Variants in UGT2A3 observed in about 807,000 individuals in gnomAD.
UGT2A3 encodes UDP-glucuronosyltransferase 2A3.
Under a neutral mutation model 44.1 loss-of-function variants are expected in UGT2A3, and 55 were observed. The ratio of observed to expected loss-of-function variants is 1.25; its 90% CI spans 1.00 to 1.56. The LOEUF (loss-of-function observed/expected upper bound fraction) is 1.56. Ranked by LOEUF, UGT2A3 falls within the 40% of genes most tolerant of loss-of-function variation. UGT2A3 has a pLI of 0.00. For missense variants in UGT2A3, 733 were observed against 621.6 expected (o/e 1.18, Z -1.91); for synonymous variants, 243 against 215.1 (o/e 1.13, Z -1.13).
At chr4:68,938,753 A>C (rs1408237346) in intron 2 of UGT2A3, among the ~76,000 whole-genome samples, 1 of 152,176 alleles carries the variant, frequency 6.6e-6, no homozygotes, top group African/African-American at 2.4e-5. Context: ...GAAAAGAGTA[A>C]GTCAAATTGT....
chr4:68,939,401 T>A (rs1331593063), intron 2 of UGT2A3, among the ~76,000 whole-genome samples: 1 of 152,120 alleles, frequency 6.6e-6, no homozygotes, highest in Non-Finnish European at 1.5e-5. Context: ...ACTACACATC[T>A]CTAACCATGT....
In UGT2A3 at chr4:68,930,674, G is replaced by A. The variant is rs781308143; in HGVS notation, c.1176C>T (p.Pro392=). The A allele has an allele frequency of 1.9e-6, 3 of 1,613,318 alleles. No individual in the cohort carries two copies. Among genetic ancestry groups the A allele is most frequent in the Middle Eastern group, 1.7e-4 (1 of 6,054 alleles). The change falls in exon 5 of 6, where the codon CCC becomes CCT. Residue 392 remains proline (P), a synonymous_variant. Coordinates refer to ENST00000251566, the MANE Select transcript of UGT2A3 (RefSeq NM_024743.4). ...IYHGVPMVGV[P]IFGDQLDNIA... is the part of the protein sequence containing the mutation. ...TGTTATCAAGCTGATCACCAAATAT[G>A]GGAACTCCCACCATAGGGACCCCAT...
chr4:68,933,186 A>G (rs148127651), intron 2 of UGT2A3, among the ~76,000 whole-genome samples: 89 of 152,210 alleles, frequency 5.8e-4, no homozygotes, highest in Non-Finnish European at 1.1e-3. Flanking sequence ...GAATATAAAA[A>G]TACCACTCTG....
chr4:68,933,757 A>T (rs1359432733), intron 2 of UGT2A3, among the ~76,000 whole-genome samples: 2 of 151,998 alleles, frequency 1.3e-5, no homozygotes, highest in Non-Finnish European at 2.9e-5. Context: ...TCAACTCAGA[A>T]ATTACTACAG....
At position 68,951,332 on chromosome 4, in the gene UGT2A3, G is replaced by A. The variant is rs148833569; in HGVS notation, c.429C>T (p.Tyr143=). The change falls in exon 1 of 6, where the codon TAC becomes TAT. Residue 143 remains tyrosine (Y), a synonymous_variant. Coordinates refer to ENST00000251566, the MANE Select transcript of UGT2A3 (RefSeq NM_024743.4). The part of the protein sequence containing the change: ...TLMKKLQETN[Y]DVMLIDPVIP... ...TCACAGGGTCTATAAGCATTACATC[G>A]TAGTTGGTTTCCTGTAGCTTCTTCA... 1.0e-4 allele frequency: 167 copies of A among 1,612,448 alleles called. No individual in the cohort carries two copies. The African/African-American group carries it at 1.1e-3, about 11-fold the overall frequency.
chr4:68,937,259 T>C (rs1717988083), intron 2 of UGT2A3, among the ~76,000 whole-genome samples: 1 of 152,114 alleles, frequency 6.6e-6, no homozygotes, highest in Admixed American at 6.6e-5. Context: ...CAACAGCATA[T>C]ACATTCTTCT....
At chr4:68,950,081 C>T (rs1374075501) in intron 1 of UGT2A3, among the ~76,000 whole-genome samples, 2 of 151,818 alleles carry the variant, frequency 1.3e-5, no homozygotes, top group African/African-American at 2.4e-5. Context: ...CTCTATATAG[C>T]TGTACCCCTT....
chr4:68,944,498 G>A (rs1718310069), intron 2 of UGT2A3, among the ~76,000 whole-genome samples: 1 of 151,654 alleles, frequency 6.6e-6, no homozygotes, highest in African/African-American at 2.4e-5. Flanking sequence ...TCTCAATATT[G>A]TTTCTTTCAA....
intron 4 of UGT2A3, among the ~76,000 whole-genome samples, 191 bp from the exon 5 acceptor site, chr4:68,930,956 G>A (rs1357748790): frequency 1.3e-5 from 2 of 152,022 alleles, no homozygotes; most frequent in Non-Finnish European, 2.9e-5. Flanking sequence ...AATTCCTTCT[G>A]AATTTCCTGT....
In UGT2A3 at chr4:68,951,576, G is replaced by A. The variant is rs773568983; in HGVS notation, c.185C>T (p.Ser62Leu). 34 of 1,612,926 alleles carry A rather than the reference G, an allele frequency of 2.1e-5. No homozygotes were observed. Among genetic ancestry groups the A allele is most frequent in the Middle Eastern group, 1.7e-4 (1 of 6,054 alleles). Reference protein sequence around the residue: ...EVTVLTHSKPSLIDYRKPSAL... With the variant: ...EVTVLTHSKPLLIDYRKPSAL... Reference sequence around the variant, plus strand: ...AGAAGGCTTCCTGTAGTCAATTAACGAAGGCTTTGAGTGAGTCAATACTGT... The same window carrying A: ...AGAAGGCTTCCTGTAGTCAATTAACAAAGGCTTTGAGTGAGTCAATACTGT... Residue 62 changes from serine (S) to leucine (L), a missense_variant, in exon 1 of 6, where the codon TCG (serine) becomes TTG (leucine). Coordinates refer to ENST00000251566, the MANE Select transcript of UGT2A3 (RefSeq NM_024743.4).
chr4:68,944,474 TACTC>T (rs1404105398), intron 2 of UGT2A3, among the ~76,000 whole-genome samples: 2 of 151,822 alleles, frequency 1.3e-5, no homozygotes, highest in African/African-American at 4.8e-5. Flanking sequence ...TAACAACTAT[TACTC>T]ACTTTTACTT....
chr4:68,941,579 A>G (rs921227527), intron 2 of UGT2A3, among the ~76,000 whole-genome samples: 4 of 151,936 alleles, frequency 2.6e-5, no homozygotes, highest in African/African-American at 9.7e-5. Context: ...TGGTCTAGGC[A>G]AGGATTTTTT....
chr4:68,930,068 T>C lies in UGT2A3; in HGVS notation c.1329A>G (p.Leu443=), dbSNP rs767787686. 6.2e-7 allele frequency: 1 copy of C among 1,612,554 alleles called. No individual in the cohort carries two copies. The highest frequency in any genetic ancestry group is 1.3e-5 in the African/African-American group (1 of 74,976). The change falls in exon 6 of 6, where the codon TTA becomes TTG. Residue 443 remains leucine, a synonymous_variant. Coordinates refer to ENST00000251566, the MANE Select transcript of UGT2A3 (RefSeq NM_024743.4). ...CAGGTTGATCATGGTGAATTCTTGA[T>C]AATCTCATAGCATTCTCTTTATAAC... is the stretch of plus-strand genomic sequence containing the variant. The part of the protein sequence containing the change: ...DSSYKENAMR[L]SRIHHDQPVK...
intron 1 of UGT2A3, among the ~76,000 whole-genome samples, chr4:68,945,656 AAAGAAAGGAGGGAAGG>A (rs1404214467): frequency 6.6e-6 from 1 of 150,738 alleles, no homozygotes; most frequent in Non-Finnish European, 1.5e-5. Context: ...AAGGACAGAG[AAAGAAAGGAGGGAAGG>A]AAGAAAGGAA....
chr4:68,943,207 TTGTG>T (rs955029676), intron 2 of UGT2A3: 2 of 530,952 alleles, frequency 3.8e-6, no homozygotes, highest in East Asian at 1.0e-4. Context: ...GAGTGTGTGT[TTGTG>T]TGTGTGTGTT....
rs184862419 is a variant in UGT2A3 at position 68,942,228 on chromosome 4, C to T, written c.864+3078G>A. 1.9e-3 allele frequency among the ~76,000 whole-genome samples: 291 copies of T among 150,996 alleles called. 1 individual carries two copies. Among genetic ancestry groups the T allele is most frequent in the Middle Eastern group, 3.6e-3 (1 of 278 alleles). On this transcript the variant is annotated intron_variant, in intron 2 of 5. Transcript: ENST00000251566. ...CAAGGGATGAATCAACCTAAACATC[C>T]ATTAATGAAGAAATACATAAAGAAA...
intron 2 of UGT2A3, among the ~76,000 whole-genome samples, chr4:68,937,135 T>C (rs1717984236): frequency 6.6e-6 from 1 of 152,020 alleles, no homozygotes; most frequent in Non-Finnish European, 1.5e-5. Context: ...AACACCCCAC[T>C]GTTGTTATTA....
In UGT2A3 at chr4:68,950,301, T is replaced by C. The variant is rs1718533403; in HGVS notation, c.715+745A>G. Among the ~76,000 whole-genome samples, 11 of 151,944 alleles carry C rather than the reference T, an allele frequency of 7.2e-5. No homozygotes were observed. The South Asian group carries it at 2.3e-3, about 31-fold the overall frequency. ...AATATTAGTTCTGTGAAACAGTCTA[T>C]GCATAAGAATTCGTTGGAATACATT... On this transcript the variant is annotated intron_variant, in intron 1 of 5. Transcript: ENST00000251566.
chr4:68,930,822 T>G (rs943911574), intron 4 of UGT2A3, 57 bp from the exon 5 acceptor site: 9 of 1,391,010 alleles, frequency 6.5e-6, no homozygotes, highest in African/African-American at 4.4e-5. Context: ...CTTTTAAAAT[T>G]ATTTAAAGAC....
Sources: allele counts gnomAD v4.1 joint callset (sites outside exome capture counted in the v4.1 genomes callset), GRCh38; gene constraint gnomAD v4.1.1; transcripts MANE v1.5; gene names NCBI Gene and HGNC (gene_info 2026-07-23, HGNC 2026-07-21).